Variants in STK24 observed in about 807,000 individuals in gnomAD.
STK24 encodes serine/threonine kinase 24, also known as serine/threonine-protein kinase 24.
STK24 carries 21 observed loss-of-function variants against 55.6 expected under a neutral mutation model. The observed-to-expected ratio is 0.38, with a 90% CI of 0.27 to 0.54. The LOEUF is 0.54. Among genes scored for constraint, STK24 ranks in the 20% least tolerant of loss-of-function variants. The probability of loss-of-function intolerance (pLI) is 0.79; values close to 1 mark genes in which losing one functional copy is unlikely to be tolerated. For missense variants in STK24, 383 were observed against 538.4 expected (o/e 0.71, Z 2.86); for synonymous variants, 200 against 215.2 (o/e 0.93, Z 0.62).
intron 2 of STK24, among the ~76,000 whole-genome samples, chr13:98,504,861 G>A (rs1347251886): frequency 2.0e-5 from 3 of 151,854 alleles, no homozygotes; most frequent in African/African-American, 4.8e-5. Context: ...AGGCAGGTTC[G>A]GGCTGATGAG....
At chr13:98,537,241 G>A (rs551554864) in intron 1 of STK24, among the ~76,000 whole-genome samples, 1 of 152,342 alleles carries the variant, frequency 6.6e-6, no homozygotes, top group South Asian at 2.1e-4. Context: ...AGTCCTCCTG[G>A]GTGAGGCTGC....
Position 98,461,844 on chromosome 13 carries a change from G to A in STK24, c.983C>T (p.Thr328Ile). The part of the protein sequence containing the change: ...GGSDSGDWIF[T>I]IREKDPKNLE... ...ATTCTTGGGATCTTTTTCTCGGATTGTGAAGATCCAGTCCCCAGAATCACT... is the reference window on the plus strand; with the variant it reads ...ATTCTTGGGATCTTTTTCTCGGATTATGAAGATCCAGTCCCCAGAATCACT... Residue 328 changes from threonine to isoleucine, a missense_variant, in exon 8 of 11, where the codon ACA (threonine) becomes ATA (isoleucine). Coordinates refer to ENST00000539966, the MANE Select transcript of STK24 (RefSeq NM_001032296.4). The A allele has an allele frequency of 6.2e-7, 1 of 1,614,170 alleles. No homozygotes were observed. The highest frequency in any genetic ancestry group is 8.5e-7 in the Non-Finnish European group (1 of 1,179,988).
intron 2 of STK24, among the ~76,000 whole-genome samples, chr13:98,504,832 G>A: frequency 6.6e-6 from 1 of 152,208 alleles, no homozygotes. Context: ...CCATCCACAT[G>A]TGCACAAGGT....
intron 1 of STK24, among the ~76,000 whole-genome samples, chr13:98,521,068 C>T (rs1896243758): frequency 6.6e-6 from 1 of 152,196 alleles, no homozygotes; most frequent in South Asian, 2.1e-4. Flanking sequence ...GAGTGCTCAG[C>T]CCACACCGGA....
In STK24 at chr13:98,457,465, C is replaced by CTT. The variant is rs11351684; in HGVS notation, c.1123-163_1123-162dup. On this transcript the variant is annotated intron_variant, in intron 9 of 10. Coordinates refer to ENST00000539966, the MANE Select transcript of STK24 (RefSeq NM_001032296.4). Reference sequence around the variant, plus strand: ...TAGGGCTCCAGGCCACTTCAAATTGCTTTTTTTTTTTTTTTTTTTTGTGAG... The same window carrying CTT: ...TAGGGCTCCAGGCCACTTCAAATTGCTTTTTTTTTTTTTTTTTTTTTTGTGAG... 8.4e-3 allele frequency among the ~76,000 whole-genome samples: 934 copies of CTT among 110,784 alleles called. 12 individuals are homozygous for CTT. The highest frequency in any genetic ancestry group is 0.018 in the Middle Eastern group (4 of 222). 72.7% of individuals were successfully genotyped at this position (110,784 alleles called of 152,430 possible).
chr13:98,475,353 T>C lies in STK24; in HGVS notation c.336A>G (p.Glu112=), dbSNP rs1294177332. 2 of 1,596,062 alleles carry C rather than the reference T, an allele frequency of 1.3e-6. No individual in the cohort carries two copies. The highest frequency in any genetic ancestry group is 1.7e-6 in the Non-Finnish European group (2 of 1,174,312). Residue 112 remains glutamate, a synonymous_variant, in exon 4 of 11, where the codon GAA becomes GAG. Transcript: ENST00000539966. ...TCTGGGTTTCATCTAATGGGCCAGGTTCTAACTAAGAAGAGAAAAAAATTC... is the reference window on the plus strand; with the variant it reads ...TCTGGGTTTCATCTAATGGGCCAGGCTCTAACTAAGAAGAGAAAAAAATTC... The part of the protein sequence containing the change: ...LGGGSALDLL[E]PGPLDETQIA...
intron 1 of STK24, among the ~76,000 whole-genome samples, chr13:98,534,038 C>T (rs989073985): frequency 6.6e-6 from 1 of 152,244 alleles, no homozygotes; most frequent in Non-Finnish European, 1.5e-5. Context: ...CTGGTGCTAG[C>T]GGGCACCCCG....
At chr13:98,515,220 G>A (rs1170210555) in intron 2 of STK24, among the ~76,000 whole-genome samples, 1 of 151,892 alleles carries the variant, frequency 6.6e-6, no homozygotes, top group Non-Finnish European at 1.5e-5. Context: ...ACAATTATAT[G>A]TCTTCACTGC....
chr13:98,520,879 GGCGCAGA>G (rs1566383125), intron 1 of STK24, among the ~76,000 whole-genome samples: 1 of 152,212 alleles, frequency 6.6e-6, no homozygotes, highest in African/African-American at 2.4e-5. Context: ...TGCACACAGG[GGCGCAGA>G]GCCCCTGCCC....
chr13:98,541,754 C>G (rs188783245), intron 1 of STK24, among the ~76,000 whole-genome samples: 3 of 152,160 alleles, frequency 2.0e-5, no homozygotes, highest in Non-Finnish European at 2.9e-5. Context: ...AGCCTGTGCC[C>G]TCATCCATGA....
At chr13:98,569,374 C>T (rs74355464) in intron 1 of STK24, among the ~76,000 whole-genome samples, 8,667 of 146,788 alleles carry the variant, frequency 0.059, 528 homozygotes, top group African/African-American at 0.15. Flanking sequence ...GCCCAACCAA[C>T]ATCATGGCAT....
intron 1 of STK24, among the ~76,000 whole-genome samples, chr13:98,565,458 C>G (rs1253622450): frequency 6.6e-6 from 1 of 151,976 alleles, no homozygotes; most frequent in Non-Finnish European, 1.5e-5. Flanking sequence ...CAAACAAAAC[C>G]TTGTCTCTAC....
intron 2 of STK24, among the ~76,000 whole-genome samples, chr13:98,488,296 C>T (rs544815482): frequency 6.6e-6 from 1 of 152,164 alleles, no homozygotes; most frequent in South Asian, 2.1e-4. Context: ...CAACATCTTT[C>T]CAGGTTTATT....
chr13:98,471,537 A>C (rs1392464896), intron 5 of STK24, among the ~76,000 whole-genome samples: 2 of 152,174 alleles, frequency 1.3e-5, no homozygotes, highest in Non-Finnish European at 2.9e-5. Flanking sequence ...AATCACCTTA[A>C]AACAGTAGTA....
intron 5 of STK24, among the ~76,000 whole-genome samples, chr13:98,471,932 A>G (rs1481601679): frequency 6.6e-6 from 1 of 152,172 alleles, no homozygotes; most frequent in African/African-American, 2.4e-5. Flanking sequence ...CAGTGCACAG[A>G]CTAGGAGGGG....
At chr13:98,548,860 T>TCAAA (rs1897092768) in intron 1 of STK24, among the ~76,000 whole-genome samples, 1 of 46,874 alleles carries the variant, frequency 2.1e-5, no homozygotes, top group East Asian at 5.1e-4. Context: ...AGACTCTGTC[T>TCAAA]CAAAAAAAAA....
intron 8 of STK24, among the ~76,000 whole-genome samples, chr13:98,461,054 A>AAAGAGAGAGAG (rs368896026): frequency 4.2e-5 from 6 of 143,750 alleles, no homozygotes; most frequent in Middle Eastern, 3.7e-3. Context: ...AAAAAAAAAA[A>AAAGAGAGAGAG]AGAGAGAGAG....
intron 1 of STK24, chr13:98,553,806 A>C (rs1376817166): frequency 6.6e-6 from 1 of 152,362 alleles, no homozygotes; most frequent in African/African-American, 2.4e-5. Flanking sequence ...TCACACCTGT[A>C]ATCCCAGCAC....
rs1400970101 is a variant in STK24 at position 98,449,985 on chromosome 13, A to T, written c.*3188T>A. On this transcript the variant is annotated 3_prime_UTR_variant, in exon 11 of 11. Transcript: ENST00000539966. The stretch of plus-strand genomic sequence containing the variant: ...AGGCTCCCTCCAGAAGTCACCACTC[A>T]CTCATTCCTGGAGACTTGGGGACAA... 2.6e-5 allele frequency: 4 copies of T among 152,026 alleles called. No individual in the cohort carries two copies. Among genetic ancestry groups the T allele is most frequent in the Non-Finnish European group, 4.4e-5 (3 of 68,010 alleles). The allele number at this position is 152,026 out of a possible 1,614,324, so 9.4% of individuals were successfully genotyped here. A position where few individuals can be genotyped will look rare whatever the true frequency, so the allele number is the denominator to read the frequency against.
Sources: allele counts gnomAD v4.1 joint callset (sites outside exome capture counted in the v4.1 genomes callset), GRCh38; gene constraint gnomAD v4.1.1; transcripts MANE v1.5; gene names NCBI Gene and HGNC (gene_info 2026-07-23, HGNC 2026-07-21).